The following GLT1D1 variants were observed in gnomAD, a reference collection of about 807,000 sequenced individuals.
The protein encoded by GLT1D1 is glycosyltransferase 1 domain containing 1.
A neutral mutation model predicts 28.7 loss-of-function variants in GLT1D1; 21 were observed. That is an observed-to-expected ratio of 0.73 (90% CI 0.52 to 1.05). The LOEUF is 1.05. GLT1D1 is among the 50% of genes least tolerant of loss of function. GLT1D1 has a pLI of 0.00. For synonymous variants in GLT1D1, 147 were observed against 124.8 expected, an observed-to-expected ratio of 1.18 and a Z score of -1.19; for missense variants, 343 against 330.6, an observed-to-expected ratio of 1.04 and a Z score of -0.29.
intron 2 of GLT1D1, among the ~76,000 whole-genome samples, chr12:128,882,254 T>C (rs1414500143): frequency 6.6e-6 from 1 of 151,672 alleles, no homozygotes. Context: ...ACATTACGGA[T>C]ATATTGCAGG....
intron 2 of GLT1D1, among the ~76,000 whole-genome samples, chr12:128,876,906 C>A (rs1956882573): frequency 6.6e-6 from 1 of 152,186 alleles, no homozygotes; most frequent in Non-Finnish European, 1.5e-5. Context: ...TTACGTCTCT[C>A]CCTGACACAA....
intron 6 of GLT1D1, among the ~76,000 whole-genome samples, chr12:128,956,638 G>A (rs892310953): frequency 2.0e-5 from 3 of 151,920 alleles, no homozygotes; most frequent in Admixed American, 1.3e-4. Context: ...TTCTAATTCC[G>A]CTCTTCTATC....
At chr12:128,927,888 T>A (rs1873398379) in intron 4 of GLT1D1, among the ~76,000 whole-genome samples, 1 of 147,544 alleles carries the variant, frequency 6.8e-6, no homozygotes, top group African/African-American at 2.5e-5. Context: ...TAATCCCAGC[T>A]ACTCAGGAGG....
intron 7 of GLT1D1, among the ~76,000 whole-genome samples, chr12:128,971,302 C>CTTTTTCCT (rs1555221619): frequency 2.1e-5 from 3 of 140,480 alleles, no homozygotes; most frequent in South Asian, 4.7e-4. Context: ...TCCTCCCTCC[C>CTTTTTCCT]TCCTTCCTTC....
chr12:128,970,335 C>T (rs528676882), intron 7 of GLT1D1, among the ~76,000 whole-genome samples: 10 of 152,230 alleles, frequency 6.6e-5, no homozygotes, highest in Non-Finnish European at 1.5e-4. Context: ...CTGAGCCCCA[C>T]TTCCCATCTG....
At chr12:128,885,926 A>G (rs1240942603) in intron 2 of GLT1D1, among the ~76,000 whole-genome samples, 2 of 152,056 alleles carry the variant, frequency 1.3e-5, no homozygotes, top group South Asian at 2.1e-4. Context: ...CCCCATCCAA[A>G]TCTCTTCTTG....
At chr12:128,858,184 C>A (rs1343555257) in intron 1 of GLT1D1, among the ~76,000 whole-genome samples, 2 of 152,066 alleles carry the variant, frequency 1.3e-5, no homozygotes, top group Non-Finnish European at 2.9e-5. Context: ...GGAGTCATGC[C>A]CTACAAACCA....
At chr12:128,896,525 C>T (rs984907816) in intron 3 of GLT1D1, among the ~76,000 whole-genome samples, 1 of 147,740 alleles carries the variant, frequency 6.8e-6, no homozygotes, top group Non-Finnish European at 1.5e-5. Flanking sequence ...ATGTCTGTGA[C>T]TATATTTTCA....
intron 7 of GLT1D1, among the ~76,000 whole-genome samples, chr12:128,972,476 A>G (rs1443455762): frequency 3.9e-5 from 6 of 152,014 alleles, no homozygotes; most frequent in Admixed American, 3.9e-4. Context: ...TGGCCCGGGA[A>G]GAACCGGGGA....
At chr12:128,902,434 G>A (rs1345852891) in intron 4 of GLT1D1, among the ~76,000 whole-genome samples, 7 of 148,794 alleles carry the variant, frequency 4.7e-5, no homozygotes, top group Admixed American at 2.7e-4. Context: ...GCAGTGAGCC[G>A]AGATTGTACC....
intron 2 of GLT1D1, among the ~76,000 whole-genome samples, chr12:128,877,866 T>C (rs765880627): frequency 4.6e-5 from 7 of 152,182 alleles, no homozygotes; most frequent in African/African-American, 7.2e-5. Flanking sequence ...GCTGCAGTCT[T>C]ATCTGGTGGC....
intron 2 of GLT1D1, among the ~76,000 whole-genome samples, chr12:128,880,710 A>G (rs1188959840): frequency 2.0e-5 from 3 of 152,210 alleles, no homozygotes; most frequent in Admixed American, 6.5e-5. Context: ...ATTAAACTGT[A>G]TTTAAAAATA....
At chr12:128,880,196 T>TA (rs1162509371) in intron 2 of GLT1D1, among the ~76,000 whole-genome samples, 1 of 152,236 alleles carries the variant, frequency 6.6e-6, no homozygotes, top group Non-Finnish European at 1.5e-5. Context: ...CCTTCAAACT[T>TA]ACAGTTCTCA....
At chr12:128,945,196 G>T in intron 4 of GLT1D1, 130 bp from the exon 9 acceptor site, 1 of 910,988 alleles carries the variant, frequency 1.1e-6, no homozygotes, top group Non-Finnish European at 1.8e-6. Flanking sequence ...CAGCCGCGAG[G>T]ACACCCCCGT....
chr12:128,897,858 C>T (rs139679027), intron 3 of GLT1D1, among the ~76,000 whole-genome samples: 3,372 of 151,824 alleles, frequency 0.022, 53 homozygotes, highest in Non-Finnish European at 0.032. Flanking sequence ...TTAGTAGAGA[C>T]GGGGTTTCAC....
At chr12:128,929,844 C>T (rs1873678063) in intron 4 of GLT1D1, among the ~76,000 whole-genome samples, 1 of 152,188 alleles carries the variant, frequency 6.6e-6, no homozygotes, top group African/African-American at 2.4e-5. Flanking sequence ...GGCATGGTGG[C>T]CTGCACCTGT....
intron 1 of GLT1D1, among the ~76,000 whole-genome samples, chr12:128,867,364 T>C (rs1956560978): frequency 8.7e-6 from 1 of 115,264 alleles, no homozygotes; most frequent in Non-Finnish European, 1.6e-5. Flanking sequence ...ACCATTGCAC[T>C]CCAGCCTGGG....
chr12:128,960,886 T>C (rs1049695757), intron 7 of GLT1D1, among the ~76,000 whole-genome samples: 11 of 152,244 alleles, frequency 7.2e-5, no homozygotes, highest in African/African-American at 2.7e-4. Flanking sequence ...TATATTACCA[T>C]GTATGCTATT....
chr12:128,898,035 A>G (rs1158221222), intron 3 of GLT1D1, among the ~76,000 whole-genome samples: 1 of 151,872 alleles, frequency 6.6e-6, no homozygotes, highest in Non-Finnish European at 1.5e-5. Flanking sequence ...TGATCTTTCT[A>G]TCTTTTTTTC....
Sources: allele counts gnomAD v4.1 joint callset (sites outside exome capture counted in the v4.1 genomes callset), GRCh38; gene constraint gnomAD v4.1.1; transcripts MANE v1.5; gene names NCBI Gene and HGNC (gene_info 2026-07-23, HGNC 2026-07-21).